Variants in MTMR14 observed in about 807,000 individuals in gnomAD.
MTMR14 encodes the protein myotubularin related protein 14.
In MTMR14, 48 loss-of-function variants were observed where a neutral mutation model predicts 86.3. That is an observed-to-expected ratio of 0.56 (90% CI 0.44 to 0.71). The LOEUF is 0.71. Among genes scored for constraint, MTMR14 ranks in the 30% least tolerant of loss-of-function variants. The pLI is 0.00. For synonymous variants in MTMR14, 366 were observed against 326.1 expected (o/e 1.12, Z -1.32); for missense variants, 780 against 834.6 (o/e 0.93, Z 0.81).
chr3:9,655,556 G>T (rs1175171492), intron 2 of MTMR14, among the ~76,000 whole-genome samples: 7 of 144,012 alleles, frequency 4.9e-5, no homozygotes, highest in Non-Finnish European at 1.1e-4. Flanking sequence ...TGCCTCCCGG[G>T]TTCAAGCAAT....
chr3:9,687,447 C>T (rs904565376), intron 13 of MTMR14, among the ~76,000 whole-genome samples: 2 of 151,612 alleles, frequency 1.3e-5, no homozygotes, highest in African/African-American at 2.4e-5. Context: ...CCCAGCTACT[C>T]GGGAGGCTGA....
intron 17 of MTMR14, 52 bp downstream of exon 17, chr3:9,690,195 A>G: frequency 6.3e-7 from 1 of 1,595,736 alleles, no homozygotes; most frequent in Non-Finnish European, 8.6e-7. Flanking sequence ...TTCCCCCTTA[A>G]TAAGACTGGA....
At chr3:9,657,220 T>C (rs1044527941) in intron 2 of MTMR14, among the ~76,000 whole-genome samples, 2 of 152,200 alleles carry the variant, frequency 1.3e-5, no homozygotes, top group African/African-American at 4.8e-5. Context: ...AGTGGTTCTT[T>C]TCTATGTTGA....
Position 9,649,598 on chromosome 3 carries a change from GGCC to G in MTMR14, c.27_29del (p.Ala11del), listed in dbSNP as rs760033162. The G allele has an allele frequency of 6.5e-7, 1 of 1,546,050 alleles. No individual in the cohort carries two copies. Among genetic ancestry groups the G allele is most frequent in the Non-Finnish European group, 8.7e-7 (1 of 1,145,624 alleles). On this transcript the variant is annotated inframe_deletion, in exon 1 of 19. Transcript: ENST00000296003. ...GGGGCTGGGCCATGGCCGGCGCTCG[GGCC>G]GCCGCCGCCGCTGCCTCGGCGGGGT...
At chr3:9,689,120 G>A (rs1295112365) in intron 16 of MTMR14, 38 bp downstream of exon 16, 2 of 1,602,638 alleles carry the variant, frequency 1.2e-6, no homozygotes, top group Admixed American at 1.7e-5. Context: ...ACTCACAGCT[G>A]TGGCCCGGGG....
At chr3:9,683,295 C>G (rs773644412) in intron 10 of MTMR14, 51 bp downstream of exon 10, 46 of 1,531,724 alleles carry the variant, frequency 3.0e-5, no homozygotes, top group South Asian at 2.5e-4. Context: ...TTGGGGAGTT[C>G]CCAGTTCATT....
chr3:9,697,688 CCTCT>C lies in MTMR14; in HGVS notation c.1614-17_1614-14del. 6.2e-7 allele frequency: 1 copy of C among 1,611,232 alleles called. No homozygotes were observed. Among genetic ancestry groups the C allele is most frequent in the South Asian group, 1.1e-5 (1 of 90,762 alleles). On this transcript the variant is annotated intron_variant, in intron 17 of 18. Coordinates refer to ENST00000296003, the MANE Select transcript of MTMR14 (RefSeq NM_001077525.3). ...GCATATGACTGACTGCATCCTCTCC[CCTCT>C]CTCTCCTCTCTGCCCCAGATCAGTG... is the stretch of plus-strand genomic sequence containing the variant.
chr3:9,678,013 C>T lies in MTMR14; in HGVS notation c.852C>T (p.Pro284=), dbSNP rs376065517. 34 of 1,614,020 alleles carry T rather than the reference C, an allele frequency of 2.1e-5. No individual in the cohort carries two copies. Among genetic ancestry groups the T allele is most frequent in the Admixed American group, 1.2e-4 (7 of 59,994 alleles). ...ACGTTGATGCCCCATTGAGCATCCCCGACTTCCTGACTCACTCTCTGAACA... is the reference window on the plus strand; with the variant it reads ...ACGTTGATGCCCCATTGAGCATCCCTGACTTCCTGACTCACTCTCTGAACA... ...QDYVDAPLSI[P]DFLTHSLNID... The change falls in exon 9 of 19, where the codon CCC becomes CCT. Residue 284 remains proline (P), a synonymous_variant. Transcript: ENST00000296003.
At chr3:9,671,747 A>AT (rs1421347130) in intron 6 of MTMR14, among the ~76,000 whole-genome samples, 32 of 152,204 alleles carry the variant, frequency 2.1e-4, no homozygotes, top group Non-Finnish European at 3.8e-4. Context: ...TATGGACCAA[A>AT]TTCAAATATA....
Position 9,675,320 on chromosome 3 carries a change from T to G in MTMR14, c.752-1997T>G, listed in dbSNP as rs1401229371. Among the ~76,000 whole-genome samples, 14 of 152,258 alleles carry G rather than the reference T, an allele frequency of 9.2e-5. No homozygotes were observed. In the East Asian group the frequency reaches 2.5e-3, roughly 27 times the overall value. ...TTTGATAGACTTGTGTTCTTGTGGG[T>G]TTTTTTACATAACTTCTATTACTTT... is the stretch of plus-strand genomic sequence containing the variant. On this transcript the variant is annotated intron_variant, in intron 7 of 18. Transcript: ENST00000296003.
rs1475358213 is a variant in MTMR14, at chr3:9,701,889, C to A, written c.1869C>A (p.Pro623=). ...SSTVGLRAVA[P]SPSGAIGGLL... ...CAGTGGGGCTTCGGGCAGTAGCCCC[C>A]AGTCCTTCCGGTGCCATCGGGGGCC... The change falls in exon 19 of 19, where the codon CCC becomes CCA. Residue 623 remains proline (P), a synonymous_variant. Coordinates refer to ENST00000296003, the MANE Select transcript of MTMR14 (RefSeq NM_001077525.3). This position sits in a 1 kb window ranked among gnomAD's most constrained non-coding sequence, Gnocchi z 4.2. 2.5e-6 allele frequency: 4 copies of A among 1,614,190 alleles called. No homozygotes were observed. The South Asian group carries it at 4.4e-5, about 18-fold the overall frequency.
rs1472087803 is a variant in MTMR14, at chr3:9,690,003, G to C, written c.1473G>C (p.Trp491Cys). 6 of 1,611,862 alleles carry C rather than the reference G, an allele frequency of 3.7e-6. No homozygotes were observed. The highest frequency in any genetic ancestry group is 5.1e-6 in the Non-Finnish European group (6 of 1,179,856). Residue 491 changes from tryptophan to cysteine, a missense_variant, in exon 17 of 19, where the codon TGG (tryptophan) becomes TGC (cysteine). By Grantham distance (215) the Trp-to-Cys change is radical. Coordinates refer to ENST00000296003, the MANE Select transcript of MTMR14 (RefSeq NM_001077525.3). ...CATCCTCTCCACAGAGTGTCCTCTG[G>C]AACCGGCCACAACCCTCAGAGGACC... is the stretch of plus-strand genomic sequence containing the variant. Reference protein sequence around the residue: ...SHSSSPQSVLWNRPQPSEDRL... With the variant: ...SHSSSPQSVLCNRPQPSEDRL...
At chr3:9,676,207 G>A (rs1419263460) in intron 7 of MTMR14, among the ~76,000 whole-genome samples, 1 of 152,212 alleles carries the variant, frequency 6.6e-6, no homozygotes, top group Non-Finnish European at 1.5e-5. Context: ...CCAAAGCCAT[G>A]TGCCGTCTGA....
chr3:9,686,153 A>C (rs916675375), intron 13 of MTMR14, among the ~76,000 whole-genome samples: 1 of 151,836 alleles, frequency 6.6e-6, no homozygotes. Flanking sequence ...TCCTCTTCCA[A>C]ATCTCTTCTT....
At chr3:9,650,658 C>A (rs1189080766) in intron 1 of MTMR14, 1 of 224,230 alleles carries the variant, frequency 4.5e-6, no homozygotes, top group African/African-American at 2.2e-5. Flanking sequence ...TGGGGACCAC[C>A]TGTTTAATGA....
In MTMR14 at chr3:9,649,666, G is replaced by A. The variant is rs763987152; in HGVS notation, c.83G>A (p.Gly28Glu). The A allele has an allele frequency of 1.1e-5, 18 of 1,603,440 alleles. No homozygotes were observed. In the East Asian group the frequency reaches 2.7e-4, roughly 24 times the overall value. ...SSGNQPPQEL[G>E]LGELLEEFSR... is the part of the protein sequence containing the mutation. Reference sequence around the variant, plus strand: ...GGCAACCAGCCGCCTCAGGAGCTGGGGCTTGGGGAGCTGCTGGAGGAGTTC... The same window carrying A: ...GGCAACCAGCCGCCTCAGGAGCTGGAGCTTGGGGAGCTGCTGGAGGAGTTC... Residue 28 changes from glycine to glutamate, a missense_variant, in exon 1 of 19, where the codon GGG becomes GAG. Transcript: ENST00000296003.
At chr3:9,670,245 C>T (rs1484146929) in intron 5 of MTMR14, among the ~76,000 whole-genome samples, 5 of 152,152 alleles carry the variant, frequency 3.3e-5, no homozygotes, top group Admixed American at 3.3e-4. Context: ...CTTGCTATGC[C>T]CAGGTTCTGC....
intron 14 of MTMR14, among the ~76,000 whole-genome samples, 157 bp downstream of exon 14, chr3:9,688,048 C>T (rs1362975410): frequency 6.6e-6 from 1 of 152,166 alleles, no homozygotes; most frequent in Admixed American, 6.5e-5. Flanking sequence ...GGGTAGGGGT[C>T]CCTGCTGAAG....
chr3:9,662,232 G>T (rs2047982307), intron 2 of MTMR14, 35 bp from the exon 3 acceptor site: 3 of 1,584,688 alleles, frequency 1.9e-6, no homozygotes, highest in Middle Eastern at 3.5e-4. Flanking sequence ...CCACTTCAAA[G>T]TCAGCTTGAC....
Sources: allele counts gnomAD v4.1 joint callset (sites outside exome capture counted in the v4.1 genomes callset), GRCh38; gene constraint gnomAD v4.1.1; non-coding constraint Gnocchi (gnomAD v3.1); transcripts MANE v1.5; gene names NCBI Gene and HGNC (gene_info 2026-07-23, HGNC 2026-07-21).